MTAP: variants seen among roughly 807,000 people sequenced by gnomAD.
MTAP encodes the protein S-methyl-5'-thioadenosine phosphorylase.
In MTAP, 33 loss-of-function variants were observed where a neutral mutation model predicts 33.6. The ratio of observed to expected loss-of-function variants is 0.98; its 90% confidence interval spans 0.74 to 1.31. The LOEUF is 1.31. MTAP is among the 40% of genes most tolerant of loss of function. The probability of loss-of-function intolerance (pLI) is 0.00; values close to 1 mark genes in which losing one functional copy is unlikely to be tolerated. For missense variants in MTAP, 367 were observed against 360.0 expected (o/e 1.02, Z -0.16); for synonymous variants, 148 against 125.7 (o/e 1.18, Z -1.19).
rs117573572 is a variant in MTAP at position 21,805,064 on chromosome 9, G to A, written c.33+2283G>A. On this transcript the variant is annotated intron_variant, in intron 1 of 7. Transcript: ENST00000644715. ...AGGTATAGGTATAGGAGGCACATGT[G>A]TGTCTGAACCCCATTGGTGTCACTG... Among the ~76,000 whole-genome samples the A allele has an allele frequency of 3.3e-4, 50 of 152,362 alleles. No homozygotes were observed. The East Asian group carries it at 7.1e-3, about 22-fold the overall frequency.
intron 4 of MTAP, among the ~76,000 whole-genome samples, chr9:21,827,294 C>G (rs149287740): frequency 1.3e-4 from 20 of 152,286 alleles, no homozygotes; most frequent in African/African-American, 4.8e-4. Flanking sequence ...CTCCTCCCAT[C>G]AGTTATCTCT....
intron 5 of MTAP, among the ~76,000 whole-genome samples, chr9:21,844,833 C>T (rs904180771): frequency 6.6e-6 from 1 of 152,080 alleles, no homozygotes; most frequent in African/African-American, 2.4e-5. Context: ...AGATCGAGAC[C>T]ATCCTGGCTA....
chr9:21,893,658 A>G (rs1286940746), intron 1 of MTAP: 1 of 152,146 alleles, frequency 6.6e-6, no homozygotes, highest in African/African-American at 2.4e-5. Flanking sequence ...GAAGGAATGG[A>G]TAAATTCTGG....
chr9:21,812,667 C>G (rs1824379508), intron 1 of MTAP, among the ~76,000 whole-genome samples: 1 of 152,196 alleles, frequency 6.6e-6, no homozygotes, highest in African/African-American at 2.4e-5. Flanking sequence ...AGATGATTCA[C>G]TCAGATACCT....
At chr9:21,893,291 A>G (rs886828753) in intron 1 of MTAP, 1 of 152,218 alleles carries the variant, frequency 6.6e-6, no homozygotes, top group African/African-American at 2.4e-5. Context: ...GTACAAAAAC[A>G]AAAACACAAA....
intron 1 of MTAP, among the ~76,000 whole-genome samples, chr9:21,804,165 G>T (rs959663050): frequency 7.9e-5 from 12 of 152,308 alleles, no homozygotes; most frequent in Admixed American, 5.9e-4. Flanking sequence ...TGTCTATGTT[G>T]CACATGGTAG....
intron 1 of MTAP, among the ~76,000 whole-genome samples, chr9:21,919,259 T>A (rs532042571): frequency 1.5e-4 from 23 of 152,306 alleles, no homozygotes; most frequent in African/African-American, 5.1e-4. Flanking sequence ...ATGAAACCCA[T>A]CACCCACATT....
chr9:21,915,245 C>T (rs550542209), intron 1 of MTAP, among the ~76,000 whole-genome samples: 10 of 151,476 alleles, frequency 6.6e-5, no homozygotes, highest in African/African-American at 1.9e-4. Flanking sequence ...CCCGCCACCA[C>T]GCCCGGCTAA....
At chr9:21,810,497 A>G (rs1230881825) in intron 1 of MTAP, among the ~76,000 whole-genome samples, 1 of 152,134 alleles carries the variant, frequency 6.6e-6, no homozygotes, top group Non-Finnish European at 1.5e-5. Flanking sequence ...TGAGAGCAAG[A>G]ACACCCTCCC....
intron 3 of MTAP, among the ~76,000 whole-genome samples, chr9:21,817,269 T>C (rs892905080): frequency 2.0e-5 from 3 of 152,180 alleles, no homozygotes; most frequent in African/African-American, 4.8e-5. Context: ...TCAAGATATA[T>C]GTATGAGTTC....
At chr9:21,826,744 G>A (rs1036129832) in intron 4 of MTAP, among the ~76,000 whole-genome samples, 1 of 151,898 alleles carries the variant, frequency 6.6e-6, no homozygotes, top group Non-Finnish European at 1.5e-5. Context: ...GCATTTAGAG[G>A]TAGTTGAAAT....
chr9:21,859,182 C>A, intron 6 of MTAP, 121 bp from the exon 7 acceptor site: 1 of 1,404,148 alleles, frequency 7.1e-7, no homozygotes, highest in Non-Finnish European at 9.6e-7. Context: ...TCGGTTTCAG[C>A]AGATAAATTT....
chr9:21,883,685 T>C (rs1401221797), intron 1 of MTAP, among the ~76,000 whole-genome samples: 1 of 150,108 alleles, frequency 6.7e-6, no homozygotes, highest in Non-Finnish European at 1.5e-5. Context: ...GGCCACTAGA[T>C]AGCAAAAAAA....
At chr9:21,901,460 A>G (rs1032059905) in intron 1 of MTAP, among the ~76,000 whole-genome samples, 2 of 152,202 alleles carry the variant, frequency 1.3e-5, no homozygotes, top group African/African-American at 4.8e-5. Flanking sequence ...TTGATTGACT[A>G]TCTCATAAAG....
At chr9:21,803,087 T>A (rs928963019) in intron 1 of MTAP, 3 of 641,346 alleles carry the variant, frequency 4.7e-6, no homozygotes, top group Non-Finnish European at 7.0e-6. Context: ...AGGCACCCCT[T>A]TAGAGAGAGA....
chr9:21,930,128 G>A, intron 1 of MTAP: 2 of 456,612 alleles, frequency 4.4e-6, no homozygotes, highest in Non-Finnish European at 8.7e-6. Flanking sequence ...CAGCTCCACA[G>A]CAGAATGGGT....
chr9:21,855,984 A>G (rs141487354), intron 6 of MTAP: 1 of 169,032 alleles, frequency 5.9e-6, no homozygotes, highest in African/African-American at 2.4e-5. Context: ...CAGTCTCATA[A>G]TTTTTAACAA....
At chr9:21,833,215 T>A (rs1364157056) in intron 4 of MTAP, among the ~76,000 whole-genome samples, 2 of 152,078 alleles carry the variant, frequency 1.3e-5, no homozygotes, top group Admixed American at 1.3e-4. Context: ...TGAGACAAGA[T>A]CTCACTCTCG....
chr9:21,904,347 C>A (rs997986946), intron 1 of MTAP, among the ~76,000 whole-genome samples: 2 of 152,214 alleles, frequency 1.3e-5, no homozygotes, highest in Non-Finnish European at 2.9e-5. Context: ...ACAAAAATGC[C>A]TGTCCTCGCC....
Sources: allele counts gnomAD v4.1 joint callset (sites outside exome capture counted in the v4.1 genomes callset), GRCh38; gene constraint gnomAD v4.1.1; transcripts MANE v1.5; gene names NCBI Gene and HGNC (gene_info 2026-07-23, HGNC 2026-07-21).